Variants in KLC4 observed in about 807,000 individuals in gnomAD.
KLC4 encodes kinesin-like protein 8.
Under a neutral mutation model 77.2 loss-of-function variants are expected in KLC4, and 49 were observed. The observed-to-expected ratio is 0.63, with a 90% confidence interval of 0.50 to 0.80. KLC4 has a LOEUF of 0.80. Ranked by LOEUF, KLC4 falls within the 30% of genes least tolerant of loss-of-function variation. The probability of loss-of-function intolerance (pLI) is 0.00; values close to 1 mark genes in which losing one functional copy is unlikely to be tolerated. For synonymous variants in KLC4, 274 were observed against 314.5 expected (o/e 0.87, Z 1.36); for missense variants, 669 against 793.5 (o/e 0.84, Z 1.89).
At chr6:43,070,527 C>A in intron 7 of KLC4, 72 bp downstream of exon 7, 3 of 1,397,290 alleles carry the variant, frequency 2.1e-6, no homozygotes, top group Non-Finnish European at 2.0e-6. Context: ...TGGTCTAACC[C>A]TCCTCCTTCA....
Position 43,071,552 on chromosome 6 carries a change from A to G in KLC4, c.1256-15A>G, listed in dbSNP as rs202144224. The G allele has an allele frequency of 1.9e-6, 3 of 1,611,478 alleles. No individual in the cohort carries two copies. The highest frequency in any genetic ancestry group is 2.5e-6 in the Non-Finnish European group (3 of 1,178,422). ...CTCCCATCTCTAACCTCCCCACCCC[A>G]TGTATCACCCCTAGATGACCACAAG... On this transcript the variant is annotated splice_polypyrimidine_tract_variant and intron_variant, in intron 9 of 15. Transcript: ENST00000347162.
rs1351909013 is a variant in KLC4 at position 43,074,783 on chromosome 6, C to T, written c.*111C>T. The T allele has an allele frequency of 9.3e-6, 8 of 860,520 alleles. No individual in the cohort carries two copies. The highest frequency in any genetic ancestry group is 1.4e-5 in the Non-Finnish European group (7 of 509,994). The allele number at this position is 860,520 out of a possible 1,614,324, so 53.3% of individuals were successfully genotyped here. A position where few individuals can be genotyped will look rare whatever the true frequency, so the allele number is the denominator to read the frequency against. On this transcript the variant is annotated 3_prime_UTR_variant, in exon 16 of 16. Transcript: ENST00000347162. ...CCCTAGGTGGGACAGTGAAGGGGAG[C>T]AGTTTAACCAGAAGATTGCTGCTGC...
chr6:43,071,602 C>A lies in KLC4; in HGVS notation c.1291C>A (p.Arg431=), dbSNP rs41274918. 1.9e-6 allele frequency: 3 copies of A among 1,613,418 alleles called. No individual in the cohort carries two copies. Among genetic ancestry groups the A allele is most frequent in the African/African-American group, 1.3e-5 (1 of 74,816 alleles). Residue 431 remains arginine, a synonymous_variant, in exon 10 of 16, where the codon CGG becomes AGG. Transcript: ENST00000347162. Reference sequence around the variant, plus strand: ...GCCCATCTGGATGCATGCAGAGGAGCGGGAGGAAATGAGCAAAGTGAGTGG... The same window carrying A: ...GCCCATCTGGATGCATGCAGAGGAGAGGGAGGAAATGAGCAAAGTGAGTGG... ...HKPIWMHAEE[R]EEMSKSRHHE...
intron 10 of KLC4, 33 bp downstream of exon 10, chr6:43,071,652 G>T (rs1479411878): frequency 6.2e-7 from 1 of 1,601,210 alleles, no homozygotes. Context: ...AGCCTGGGGA[G>T]CTCAAGGCTA....
In KLC4 at chr6:43,069,428, AGAGATGGGT is replaced by A. The variant is rs1476204359; in HGVS notation, c.880-925_880-917del. Among the ~76,000 whole-genome samples the A allele has an allele frequency of 3.9e-5, 6 of 152,138 alleles. No individual in the cohort carries two copies. The East Asian group carries it at 1.2e-3, about 29-fold the overall frequency. On this transcript the variant is annotated intron_variant, in intron 6 of 15. Coordinates refer to ENST00000347162, the MANE Select transcript of KLC4 (RefSeq NM_201521.3). Reference sequence around the variant, plus strand: ...CCAGGCTAATTTTTGTATTTTTAGTAGAGATGGGTTTTCACCATGTTGGTCAGGCTGGTC... The same window carrying A: ...CCAGGCTAATTTTTGTATTTTTAGTATTTCACCATGTTGGTCAGGCTGGTC...
chr6:43,063,251 A>G (rs1486863836), intron 3 of KLC4, 104 bp downstream of exon 3: 1 of 810,824 alleles, frequency 1.2e-6, no homozygotes, highest in Non-Finnish European at 2.0e-6. Context: ...AGCTCTACCC[A>G]ACCTGCTCTC....
intron 1 of KLC4, chr6:43,060,637 C>T (rs1765096733): frequency 5.4e-6 from 6 of 1,106,278 alleles, no homozygotes; most frequent in Middle Eastern, 4.2e-4. Context: ...GAAACAAGAC[C>T]CCTCTGAGGA....
intron 3 of KLC4, 99 bp from the exon 4 acceptor site, chr6:43,065,521 A>G (rs1318243909): frequency 1.3e-6 from 1 of 781,862 alleles, no homozygotes; most frequent in Non-Finnish European, 2.2e-6. Context: ...GTCTTCTCCT[A>G]GGTCCCATCT....
intron 12 of KLC4, 109 bp downstream of exon 12, chr6:43,072,364 C>A: frequency 1.3e-6 from 1 of 795,606 alleles, no homozygotes. Context: ...GCTGATGAAG[C>A]CAGGAGGGAG....
Position 43,072,882 on chromosome 6 carries a change from G to C in KLC4, c.1547G>C (p.Arg516Thr). ...VAELLGESDGRRTSQEGPGDS... is the reference protein window; with the variant it reads ...VAELLGESDGTRTSQEGPGDS... The stretch of plus-strand genomic sequence containing the variant: ...GAGCTGCTTGGGGAGAGTGATGGTA[G>C]AAGGACCTCCCAGGAGGGCCCTGGA... The change falls in exon 13 of 16, where the codon AGA becomes ACA. Residue 516 changes from arginine to threonine, a missense_variant. Arg to Thr is a moderately conservative substitution (Grantham distance 71). Coordinates refer to ENST00000347162, the MANE Select transcript of KLC4 (RefSeq NM_201521.3). 1 of 1,613,590 alleles carries C rather than the reference G, an allele frequency of 6.2e-7. No individual in the cohort carries two copies. Among genetic ancestry groups the C allele is most frequent in the Non-Finnish European group, 8.5e-7 (1 of 1,179,740 alleles).
intron 3 of KLC4, among the ~76,000 whole-genome samples, chr6:43,063,891 C>T (rs1284562058): frequency 1.3e-5 from 2 of 152,110 alleles, no homozygotes; most frequent in East Asian, 1.9e-4. Context: ...CAACAGAATG[C>T]AGTGATGCCA....
chr6:43,059,776 A>C, intron 1 of KLC4, 91 bp downstream of exon 1: 1 of 1,187,876 alleles, frequency 8.4e-7, no homozygotes, highest in South Asian at 2.5e-5. Context: ...AACCCCCTCC[A>C]ACCAACCTTA....
chr6:43,066,468 C>T lies in KLC4; in HGVS notation c.734C>T (p.Ser245Leu). Residue 245 changes from serine (S) to leucine (L), a missense_variant, in exon 5 of 16, where the codon TCA (serine) becomes TTA (leucine). Transcript: ENST00000347162. ...KQALEDLERT[S>L]GRGHPDVATM... is the part of the protein sequence containing the mutation. ...GCACTAGAGGACCTGGAGCGCACATCAGGCCGTGGCCACCCTGATGTCGCC... is the reference window on the plus strand; with the variant it reads ...GCACTAGAGGACCTGGAGCGCACATTAGGCCGTGGCCACCCTGATGTCGCC... 1 of 1,614,134 alleles carries T rather than the reference C, an allele frequency of 6.2e-7. No individual in the cohort carries two copies. The highest frequency in any genetic ancestry group is 1.1e-5 in the South Asian group (1 of 91,072).
rs1014653916 is a variant in KLC4, at chr6:43,059,700, G to A, written c.-26+15G>A. 6.9e-6 allele frequency: 9 copies of A among 1,301,436 alleles called. No individual in the cohort carries two copies. The African/African-American group carries it at 1.2e-4, about 17-fold the overall frequency. The allele number at this position is 1,301,436 out of a possible 1,614,324, so 80.6% of individuals were successfully genotyped here. On this transcript the variant is annotated intron_variant, in intron 1 of 15. Coordinates refer to ENST00000347162, the MANE Select transcript of KLC4 (RefSeq NM_201521.3). ...GCAGATTGCAGGTGAGTCTTTGAGG[G>A]TATCCTGGGGCTGAAGGTTAAGGTC...
At chr6:43,063,394 G>A (rs1561912469) in intron 3 of KLC4, among the ~76,000 whole-genome samples, 1 of 152,220 alleles carries the variant, frequency 6.6e-6, no homozygotes, top group Non-Finnish European at 1.5e-5. Flanking sequence ...CTGCACTGGT[G>A]AATGGGGCAC....
In KLC4 at chr6:43,073,087, T is replaced by C. The variant is rs530411807; in HGVS notation, c.1629+123T>C. On this transcript the variant is annotated intron_variant, in intron 13 of 15. Transcript: ENST00000347162. ...CTTCAGGGGTATCTCTGGGAGCCAG[T>C]TTTTGACAGGACTTTTATTTCCAGT... 4.1e-4 allele frequency: 567 copies of C among 1,385,596 alleles called. No individual in the cohort carries two copies. In the African/African-American group the frequency reaches 5.5e-3, roughly 13 times the overall value. The allele number at this position is 1,385,596 out of a possible 1,614,324, so 85.8% of individuals were successfully genotyped here. A position where few individuals can be genotyped will look rare whatever the true frequency, so the allele number is the denominator to read the frequency against.
At chr6:43,071,199 CT>C in intron 8 of KLC4, 75 bp from the exon 9 acceptor site, 1 of 725,452 alleles carries the variant, frequency 1.4e-6, no homozygotes, top group African/African-American at 2.1e-5. Flanking sequence ...AAGACCTTGT[CT>C]AAAAAAAAAA....
chr6:43,066,289 GT>G lies in KLC4; in HGVS notation c.572-15del. The G allele has an allele frequency of 6.2e-7, 1 of 1,606,380 alleles. No homozygotes were observed. The highest frequency in any genetic ancestry group is 1.1e-5 in the South Asian group (1 of 90,910). ...GGGAGAGGAAGAGTCCTTTGTTTATGTTCTGTGATGGTTTAGTGTCCCGTGG... is the reference window on the plus strand; with the variant it reads ...GGGAGAGGAAGAGTCCTTTGTTTATGTCTGTGATGGTTTAGTGTCCCGTGG... On this transcript the variant is annotated splice_polypyrimidine_tract_variant and intron_variant, in intron 4 of 15. Coordinates refer to ENST00000347162, the MANE Select transcript of KLC4 (RefSeq NM_201521.3).
At chr6:43,060,614 G>T (rs964482418) in intron 1 of KLC4, 104 of 1,130,170 alleles carry the variant, frequency 9.2e-5, no homozygotes, top group Admixed American at 1.3e-4. Context: ...AGGTAAGAAG[G>T]CTTCAAAGAT....
Sources: allele counts gnomAD v4.1 joint callset (sites outside exome capture counted in the v4.1 genomes callset), GRCh38; gene constraint gnomAD v4.1.1; transcripts MANE v1.5; gene names NCBI Gene and HGNC (gene_info 2026-07-23, HGNC 2026-07-21).